NPW: variants seen among roughly 807,000 people sequenced by gnomAD.
NPW encodes the protein neuropeptide W, also known as prepro-neuropeptide W.
Under a neutral mutation model 9.9 loss-of-function variants are expected in NPW, and 8 were observed. That is an observed-to-expected ratio of 0.81 (90% confidence interval 0.47 to 1.46). The LOEUF (loss-of-function observed/expected upper bound fraction) is 1.46. NPW is among the 40% of genes most tolerant of loss of function. NPW has a pLI of 0.00. For missense variants in NPW, 287 were observed against 240.3 expected (o/e 1.19, Z -1.28); for synonymous variants, 134 against 119.9 (o/e 1.12, Z -0.77).
chr16:2,020,510 C>T lies in NPW; in HGVS notation c.412-23C>T, dbSNP rs758431555. The T allele has an allele frequency of 3.2e-6, 5 of 1,550,654 alleles. No homozygotes were observed. The South Asian group carries it at 3.4e-5, about 10-fold the overall frequency. ...TTGGAGGGCCACAGCCTCCTCCCCA[C>T]GGCCTTGCTGTGTTCTCGTTAGAGA... On this transcript the variant is annotated intron_variant, in intron 1 of 1. Coordinates refer to ENST00000566435, the MANE Select transcript of NPW (RefSeq NM_001099456.3).
chr16:2,020,115 C>G lies in NPW; in HGVS notation c.214C>G (p.Pro72Ala). 2.6e-6 allele frequency: 4 copies of G among 1,529,216 alleles called. No individual in the cohort carries two copies. Among genetic ancestry groups the G allele is most frequent in the Non-Finnish European group, 3.5e-6 (4 of 1,146,382 alleles). 94.7% of individuals were successfully genotyped at this position (1,529,216 alleles called of 1,614,324 possible). ...CCGCGCGCTGCGCGCGGCCGCCGGG[C>G]CCCTGGCCAGGGACACCCTCTCCCC... is the stretch of plus-strand genomic sequence containing the variant. Residue 72 changes from proline (P) to alanine (A), a missense_variant, in exon 1 of 2, where the codon CCC becomes GCC. By Grantham distance (27) the Pro-to-Ala change is conservative. Transcript: ENST00000566435.
intron 1 of NPW, 54 bp downstream of exon 1, chr16:2,020,366 T>C: frequency 2.1e-6 from 3 of 1,408,526 alleles, no homozygotes; most frequent in Non-Finnish European, 1.9e-6. Context: ...TCTCGGGAGG[T>C]CTGAGCCGGA....
In NPW at chr16:2,020,090, CCG is replaced by C; in HGVS notation, c.195_196del (p.Leu66AlafsTer113). 2.0e-6 allele frequency: 3 copies of C among 1,498,302 alleles called. No homozygotes were observed. Among genetic ancestry groups the C allele is most frequent in the African/African-American group, 1.4e-5 (1 of 69,002 alleles). 92.8% of individuals were successfully genotyped at this position (1,498,302 alleles called of 1,614,324 possible). A position where few individuals can be genotyped will look rare whatever the true frequency, so the allele number is the denominator to read the frequency against. ...TGCGTCGCTCACCCTATCTGTGGCG[CCG>C]CGCGCTGCGCGCGGCCGCCGGGCCC... On this transcript the variant is annotated frameshift_variant, in exon 1 of 2. Coordinates refer to ENST00000566435, the MANE Select transcript of NPW (RefSeq NM_001099456.3). LOFTEE classifies it high-confidence loss of function.
At position 2,019,912 on chromosome 16, in the gene NPW, G is replaced by A. The variant is rs973392837; in HGVS notation, c.11G>A (p.Arg4His). ...GTCGACGCGAGCGCCCTGGCGTGGCGCCCAGGGGAGCGGGGGGCTCCCGCG... is the reference window on the plus strand; with the variant it reads ...GTCGACGCGAGCGCCCTGGCGTGGCACCCAGGGGAGCGGGGGGCTCCCGCG... Residue 4 changes from arginine (R) to histidine (H), a missense_variant, in exon 1 of 2, where the codon CGC (arginine) becomes CAC (histidine). Coordinates refer to ENST00000566435, the MANE Select transcript of NPW (RefSeq NM_001099456.3). 3.1e-6 allele frequency: 4 copies of A among 1,276,510 alleles called. No individual in the cohort carries two copies. The highest frequency in any genetic ancestry group is 2.0e-6 in the Non-Finnish European group (2 of 1,013,252). The allele number at this position is 1,276,510 out of a possible 1,614,324, so 79.1% of individuals were successfully genotyped here. A position where few individuals can be genotyped will look rare whatever the true frequency, so the allele number is the denominator to read the frequency against.
rs2150917107 is a variant in NPW at position 2,020,755 on chromosome 16, A to G, written c.*136A>G. On this transcript the variant is annotated 3_prime_UTR_variant, in exon 2 of 2. Transcript: ENST00000566435. ...CCTGACTCCTGCGCCCCCGCATGCGACCCCTTCGTCTGCTTGTGTACTTTG... is the reference window on the plus strand; with the variant it reads ...CCTGACTCCTGCGCCCCCGCATGCGGCCCCTTCGTCTGCTTGTGTACTTTG... The G allele has an allele frequency of 5.2e-6, 3 of 580,104 alleles. 1 individual carries two copies. In the South Asian group the frequency reaches 6.2e-5, roughly 12 times the overall value. The allele number at this position is 580,104 out of a possible 1,614,324, so 35.9% of individuals were successfully genotyped here.
At chr16:2,020,490 G>A (rs764883480) in intron 1 of NPW, 43 bp from the exon 2 acceptor site, 25 of 1,448,296 alleles carry the variant, frequency 1.7e-5, no homozygotes, top group Admixed American at 8.7e-5. Flanking sequence ...GGTGGTTGGA[G>A]GGCCACAGCC....
At position 2,020,674 on chromosome 16, in the gene NPW, G is replaced by A. The variant is rs1024136439; in HGVS notation, c.*55G>A. The stretch of plus-strand genomic sequence containing the variant: ...CGCGCCTGACCCAGGAGGAGTGGCC[G>A]CGCGCTTCCAGGAGCCGCTCATAGA... On this transcript the variant is annotated 3_prime_UTR_variant, in exon 2 of 2. Coordinates refer to ENST00000566435, the MANE Select transcript of NPW (RefSeq NM_001099456.3). 5.0e-6 allele frequency: 6 copies of A among 1,190,662 alleles called. No homozygotes were observed. The highest frequency in any genetic ancestry group is 6.0e-6 in the Non-Finnish European group (5 of 832,262). 73.8% of individuals were successfully genotyped at this position (1,190,662 alleles called of 1,614,324 possible).
Position 2,020,583 on chromosome 16 carries a change from C to T in NPW, c.462C>T (p.Arg154=). The change falls in exon 2 of 2, where the codon CGC becomes CGT. Residue 154 remains arginine, a synonymous_variant. Coordinates refer to ENST00000566435, the MANE Select transcript of NPW (RefSeq NM_001099456.3). ...CAGCGGTGGACCCCGCAGCAAACCG[C>T]CTTGGCCTGCCCTGCCTGGCCCCCG... The T allele has an allele frequency of 6.2e-7, 1 of 1,609,214 alleles. No individual in the cohort carries two copies. The highest frequency in any genetic ancestry group is 8.5e-7 in the Non-Finnish European group (1 of 1,177,702).
In NPW at chr16:2,020,148, G is replaced by T. The variant is rs543718628; in HGVS notation, c.247G>T (p.Ala83Ser). Reference sequence around the variant, plus strand: ...CAGGGACACCCTCTCCCCCGAACCCGCAGCCCGCGAGGCTCCTCTCCTGCT... The same window carrying T: ...CAGGGACACCCTCTCCCCCGAACCCTCAGCCCGCGAGGCTCCTCTCCTGCT... Residue 83 changes from alanine (A) to serine (S), a missense_variant, in exon 1 of 2, where the codon GCA becomes TCA. Coordinates refer to ENST00000566435, the MANE Select transcript of NPW (RefSeq NM_001099456.3). 1.3e-6 allele frequency: 2 copies of T among 1,574,582 alleles called. No individual in the cohort carries two copies. The highest frequency in any genetic ancestry group is 1.1e-5 in the South Asian group (1 of 88,648).
chr16:2,020,571 C>T lies in NPW; in HGVS notation c.450C>T (p.Pro150=), dbSNP rs759351428. 10 of 1,609,610 alleles carry T rather than the reference C, an allele frequency of 6.2e-6. No individual in the cohort carries two copies. Among genetic ancestry groups the T allele is most frequent in the African/African-American group, 5.4e-5 (4 of 74,352 alleles). ...ACGTCTCCCGCCCAGCGGTGGACCC[C>T]GCAGCAAACCGCCTTGGCCTGCCCT... Residue 150 remains proline, a synonymous_variant, in exon 2 of 2, where the codon CCC becomes CCT. Coordinates refer to ENST00000566435, the MANE Select transcript of NPW (RefSeq NM_001099456.3).
chr16:2,020,692 C>G lies in NPW; in HGVS notation c.*73C>G. 1.1e-6 allele frequency: 1 copy of G among 880,218 alleles called. No homozygotes were observed. The highest frequency in any genetic ancestry group is 1.5e-5 in the South Asian group (1 of 64,562). 54.5% of individuals were successfully genotyped at this position (880,218 alleles called of 1,614,324 possible). On this transcript the variant is annotated 3_prime_UTR_variant, in exon 2 of 2. Coordinates refer to ENST00000566435, the MANE Select transcript of NPW (RefSeq NM_001099456.3). Reference sequence around the variant, plus strand: ...AGTGGCCGCGCGCTTCCAGGAGCCGCTCATAGACCCCGCCTGCCGTCCGGT... The same window carrying G: ...AGTGGCCGCGCGCTTCCAGGAGCCGGTCATAGACCCCGCCTGCCGTCCGGT...
chr16:2,019,874 C>T lies in NPW; in HGVS notation c.-28C>T. ...CAGCCGAGCCGGTTCGTGGCCCGCC[C>T]CGCCGGGCGGCCGTCGACGCGAGCG... is the stretch of plus-strand genomic sequence containing the variant. On this transcript the variant is annotated 5_prime_UTR_variant, in exon 1 of 2. Transcript: ENST00000566435. 2 of 1,214,208 alleles carry T rather than the reference C, an allele frequency of 1.6e-6. No individual in the cohort carries two copies. Among genetic ancestry groups the T allele is most frequent in the East Asian group, 3.4e-5 (1 of 29,422 alleles). The allele number at this position is 1,214,208 out of a possible 1,614,324, so 75.2% of individuals were successfully genotyped here.
chr16:2,020,411 C>A, intron 1 of NPW, 99 bp downstream of exon 1: 1 of 1,259,068 alleles, frequency 7.9e-7, no homozygotes, highest in Non-Finnish European at 1.1e-6. Context: ...CACCCTCGGG[C>A]CCTTCCATTC....
Position 2,020,260 on chromosome 16 carries a change from C to T in NPW, c.359C>T (p.Ala120Val), listed in dbSNP as rs2083830687. Reference sequence around the variant, plus strand: ...GTCCGTGCGCCCCGGAGCCCGCGCGCCCCAGAGCCTGCGCTGGAACCGGAG... The same window carrying T: ...GTCCGTGCGCCCCGGAGCCCGCGCGTCCCAGAGCCTGCGCTGGAACCGGAG... The change falls in exon 1 of 2, where the codon GCC becomes GTC. Residue 120 changes from alanine (A) to valine (V), a missense_variant. Transcript: ENST00000566435. The T allele has an allele frequency of 1.9e-6, 3 of 1,546,220 alleles. No homozygotes were observed. The highest frequency in any genetic ancestry group is 2.7e-5 in the African/African-American group (2 of 73,072).
Position 2,020,598 on chromosome 16 carries a change from C to G in NPW, c.477C>G (p.Cys159Trp). The change falls in exon 2 of 2, where the codon TGC becomes TGG. Residue 159 changes from cysteine to tryptophan, a missense_variant. Transcript: ENST00000566435. Reference sequence around the variant, plus strand: ...CAGCAAACCGCCTTGGCCTGCCCTGCCTGGCCCCCGGACCGTTCTGACAGC... The same window carrying G: ...CAGCAAACCGCCTTGGCCTGCCCTGGCTGGCCCCCGGACCGTTCTGACAGC... 1.2e-6 allele frequency: 2 copies of G among 1,603,904 alleles called. No individual in the cohort carries two copies. The highest frequency in any genetic ancestry group is 1.7e-6 in the Non-Finnish European group (2 of 1,173,692).
Position 2,019,810 on chromosome 16 carries a change from C to G in NPW, c.-92C>G. The G allele has an allele frequency of 1.7e-6, 2 of 1,195,496 alleles. No individual in the cohort carries two copies. The highest frequency in any genetic ancestry group is 2.1e-6 in the Non-Finnish European group (2 of 965,270). The allele number at this position is 1,195,496 out of a possible 1,614,324, so 74.1% of individuals were successfully genotyped here. ...GGCTCGCCTCCAGCCTCCTGCGCTC[C>G]GGTACCTGGGCGTCCCAACTCCACT... On this transcript the variant is annotated 5_prime_UTR_variant, in exon 1 of 2. Transcript: ENST00000566435.
At position 2,020,043 on chromosome 16, in the gene NPW, G is replaced by C; in HGVS notation, c.142G>C (p.Ala48Pro). ...TCCCCGCTACCACACGGTGGGCCGC[G>C]CCGCTGGCCTGCTCATGGGGCTGCG... Residue 48 changes from alanine to proline, a missense_variant, in exon 1 of 2, where the codon GCC (alanine) becomes CCC (proline). Coordinates refer to ENST00000566435, the MANE Select transcript of NPW (RefSeq NM_001099456.3). The C allele has an allele frequency of 6.7e-7, 1 of 1,501,580 alleles. No individual in the cohort carries two copies. Among genetic ancestry groups the C allele is most frequent in the Non-Finnish European group, 8.8e-7 (1 of 1,131,606 alleles). 93.0% of individuals were successfully genotyped at this position (1,501,580 alleles called of 1,614,324 possible).
intron 1 of NPW, 33 bp downstream of exon 1, chr16:2,020,345 G>C: frequency 6.9e-7 from 1 of 1,443,046 alleles, no homozygotes; most frequent in Non-Finnish European, 9.2e-7. Flanking sequence ...GGACCGCCGC[G>C]GGCAAGGGGG....
At position 2,019,963 on chromosome 16, in the gene NPW, T is replaced by G. The variant is rs939186485; in HGVS notation, c.62T>G (p.Leu21Arg). Residue 21 changes from leucine to arginine, a missense_variant, in exon 1 of 2, where the codon CTG becomes CGG. By Grantham distance (102) the Leu-to-Arg change is moderately radical. Transcript: ENST00000566435. ...AGCCGGCCGCGGCTGGCACTGCTGC[T>G]GCTTCTGCTCCTGCTGCCGCTGCCC... 25 of 1,414,408 alleles carry G rather than the reference T, an allele frequency of 1.8e-5. No individual in the cohort carries two copies. Among genetic ancestry groups the G allele is most frequent in the Middle Eastern group, 5.1e-4 (2 of 3,956 alleles). The allele number at this position is 1,414,408 out of a possible 1,614,324, so 87.6% of individuals were successfully genotyped here.
Sources: gnomAD v4.1 joint callset for allele counts on GRCh38, gnomAD v4.1.1 for gene constraint, MANE v1.5 for transcripts, NCBI Gene and HGNC (gene_info 2026-07-23, HGNC 2026-07-21) for gene names.